Variants in IGSF10 observed in about 807,000 individuals in gnomAD.
IGSF10 encodes immunoglobulin superfamily member 10, also known as calvaria mechanical force protein 608.
Under a neutral mutation model 128.2 loss-of-function variants are expected in IGSF10, and 126 were observed. That is an observed-to-expected ratio of 0.98 (90% CI 0.85 to 1.14). The LOEUF is 1.14. Among genes scored for constraint, IGSF10 ranks in the 50% most tolerant of loss-of-function variants. The pLI is 0.00. For synonymous variants in IGSF10, 1,185 were observed against 1,146.2 expected (o/e 1.03, Z -0.68); for missense variants, 3,295 against 3,149.8 (o/e 1.05, Z -1.10).
the IGSF10 span, among the ~76,000 whole-genome samples, chr3:151,587,740 T>C: frequency 1.3e-5 from 2 of 152,168 alleles, no homozygotes; most frequent in Non-Finnish European, 2.9e-5. Context: ...TGGGAGGTGA[T>C]TGAATTATGG....
the IGSF10 span, among the ~76,000 whole-genome samples, chr3:151,533,256 G>A: frequency 3.9e-5 from 6 of 152,154 alleles, no homozygotes; most frequent in African/African-American, 1.2e-4. Context: ...TATAGATTCA[G>A]TGCTATCCCC....
chr3:151,434,706 A>ATTAT (rs1218162982), downstream of IGSF10: 4 of 152,212 alleles, frequency 2.6e-5, no homozygotes, highest in African/African-American at 7.2e-5. Context: ...ATGTTCCATC[A>ATTAT]TTATTTCTTT....
chr3:151,539,088 G>A, the IGSF10 span, among the ~76,000 whole-genome samples: 2 of 152,156 alleles, frequency 1.3e-5, no homozygotes, highest in Non-Finnish European at 2.9e-5. Flanking sequence ...ATTGCTGTTG[G>A]AAAGGGGCCT....
chr3:151,600,297 AG>A, the IGSF10 span, among the ~76,000 whole-genome samples: 2 of 152,180 alleles, frequency 1.3e-5, no homozygotes, highest in African/African-American at 2.4e-5. Context: ...AAAGATACAC[AG>A]TAAAAAGTGA....
the IGSF10 span, among the ~76,000 whole-genome samples, chr3:151,520,079 A>G: frequency 6.6e-6 from 1 of 151,618 alleles, no homozygotes; most frequent in East Asian, 1.9e-4. Context: ...CCTCTCAGTG[A>G]TAGTCAATGT....
chr3:151,615,597 G>A, the IGSF10 span, among the ~76,000 whole-genome samples: 2 of 152,030 alleles, frequency 1.3e-5, no homozygotes, highest in Non-Finnish European at 2.9e-5. Flanking sequence ...CTAACAGTGC[G>A]GAAGTAGGAA....
chr3:151,446,630 G>A lies in IGSF10; in HGVS notation c.3351C>T (p.Pro1117=). 6.2e-7 allele frequency: 1 copy of A among 1,614,040 alleles called. No homozygotes were observed. The highest frequency in any genetic ancestry group is 8.5e-7 in the Non-Finnish European group (1 of 1,179,996). Reference sequence around the variant, plus strand: ...TTGTGGGTGTTGTTTTCTCTACACTGGGTTTGTTCTCAAGTAGTAATAGTG... The same window carrying A: ...TTGTGGGTGTTGTTTTCTCTACACTAGGTTTGTTCTCAAGTAGTAATAGTG... ...QNPLLLLENK[P]SVEKTTPTIK... Residue 1117 remains proline (P), a synonymous_variant, in exon 6 of 8, where the codon CCC becomes CCT. Transcript: ENST00000282466.
chr3:151,619,241 T>C, the IGSF10 span, among the ~76,000 whole-genome samples: 32 of 152,270 alleles, frequency 2.1e-4, no homozygotes, highest in African/African-American at 7.7e-4. Context: ...TATTCGCTTA[T>C]CCATTGGCCT....
chr3:151,477,622 A>G, the IGSF10 span, among the ~76,000 whole-genome samples: 1 of 152,250 alleles, frequency 6.6e-6, no homozygotes, highest in Admixed American at 6.5e-5. Context: ...GGAAAGATCC[A>G]GTAAAAAGGA....
the IGSF10 span, among the ~76,000 whole-genome samples, chr3:151,570,069 C>T: frequency 6.6e-6 from 1 of 152,142 alleles, no homozygotes; most frequent in Non-Finnish European, 1.5e-5. Context: ...TGAAAGAATC[C>T]TTTCTTATGG....
At chr3:151,536,500 C>A in the IGSF10 span, among the ~76,000 whole-genome samples, 2 of 152,118 alleles carry the variant, frequency 1.3e-5, no homozygotes, top group African/African-American at 4.8e-5. Context: ...TTTTATTTGG[C>A]AACCTTATCA....
At chr3:151,508,725 G>A in the IGSF10 span, among the ~76,000 whole-genome samples, 1 of 152,082 alleles carries the variant, frequency 6.6e-6, no homozygotes, top group South Asian at 2.1e-4. Context: ...ATGCTTCAGA[G>A]GGCCCATGGA....
At chr3:151,575,387 G>A in the IGSF10 span, among the ~76,000 whole-genome samples, 4 of 152,192 alleles carry the variant, frequency 2.6e-5, no homozygotes, top group African/African-American at 7.2e-5. Context: ...CATCTAGTTC[G>A]AGCTTCCCGG....
At chr3:151,601,661 G>C in the IGSF10 span, among the ~76,000 whole-genome samples, 3 of 152,088 alleles carry the variant, frequency 2.0e-5, no homozygotes. Flanking sequence ...GTTCCTCAGA[G>C]GTGTGAGTCT....
the IGSF10 span, among the ~76,000 whole-genome samples, chr3:151,537,687 C>A: frequency 1.3e-5 from 2 of 152,162 alleles, no homozygotes; most frequent in Non-Finnish European, 2.9e-5. Context: ...CTTTAGTCAT[C>A]ACTGTTTCCT....
the IGSF10 span, among the ~76,000 whole-genome samples, chr3:151,502,019 T>C: frequency 1.3e-5 from 2 of 152,002 alleles, no homozygotes. Flanking sequence ...GTTAAAATAG[T>C]GAGAAATTAC....
chr3:151,570,336 T>G, the IGSF10 span, among the ~76,000 whole-genome samples: 4 of 152,216 alleles, frequency 2.6e-5, no homozygotes, highest in African/African-American at 9.6e-5. Context: ...GTTGAACTAG[T>G]TTACAGTCCC....
the IGSF10 span, among the ~76,000 whole-genome samples, chr3:151,512,075 G>A: frequency 2.6e-5 from 4 of 152,070 alleles, no homozygotes; most frequent in Non-Finnish European, 4.4e-5. Context: ...AGTTAACAAG[G>A]ATATCCAAGA....
chr3:151,542,348 T>C, the IGSF10 span, among the ~76,000 whole-genome samples: 1 of 152,162 alleles, frequency 6.6e-6, no homozygotes, highest in South Asian at 2.1e-4. Flanking sequence ...TCTCCCTTAC[T>C]TTAACATAAG....
Sources: gnomAD v4.1 joint callset for allele counts (sites outside exome capture counted in the v4.1 genomes callset) on GRCh38, gnomAD v4.1.1 for gene constraint, MANE v1.5 for transcripts, NCBI Gene and HGNC (gene_info 2026-07-23, HGNC 2026-07-21) for gene names.